The following EYS variants were observed in gnomAD, a reference collection of about 807,000 sequenced individuals.
The protein encoded by EYS is protein eyes shut homolog.
Under a neutral mutation model 282.1 loss-of-function variants are expected in EYS, and 250 were observed. That is an observed-to-expected ratio of 0.89 (90% CI 0.80 to 0.98). EYS has a LOEUF of 0.98. Among genes scored for constraint, EYS ranks in the 50% least tolerant of loss-of-function variants. The probability of loss-of-function intolerance (pLI) is 0.00; values close to 1 mark genes in which losing one functional copy is unlikely to be tolerated. For synonymous variants in EYS, 1,355 were observed against 1,282.9 expected (o/e 1.06, Z -1.20); for missense variants, 4,016 against 3,709.0 (o/e 1.08, Z -2.15).
intron 1 of EYS, among the ~76,000 whole-genome samples, chr6:65,703,949 T>C (rs1226155868): frequency 6.6e-6 from 1 of 152,094 alleles, no homozygotes; most frequent in African/African-American, 2.4e-5. Flanking sequence ...AACACAGTAT[T>C]AACATGTCTG....
intron 2 of EYS, among the ~76,000 whole-genome samples, chr6:65,555,692 T>A (rs1267643289): frequency 6.6e-6 from 1 of 152,196 alleles, no homozygotes; most frequent in Non-Finnish European, 1.5e-5. Flanking sequence ...TTAATAACTG[T>A]TTCTTACTTT....
intron 2 of EYS, among the ~76,000 whole-genome samples, chr6:65,590,105 C>T (rs1395395020): frequency 6.6e-6 from 1 of 152,036 alleles, no homozygotes; most frequent in Non-Finnish European, 1.5e-5. Context: ...TGTTTTCCCA[C>T]AATTCCACTT....
chr6:65,301,266 C>T (rs1438973924), intron 11 of EYS, among the ~76,000 whole-genome samples: 1 of 151,908 alleles, frequency 6.6e-6, no homozygotes, highest in Non-Finnish European at 1.5e-5. Context: ...GAGGCCGAGG[C>T]GGGCAGATCA....
At chr6:64,454,970 C>T (rs1038622174) in intron 26 of EYS, among the ~76,000 whole-genome samples, 5 of 152,062 alleles carry the variant, frequency 3.3e-5, no homozygotes, top group South Asian at 2.1e-4. Flanking sequence ...TAATTTGTTG[C>T]CATTTTAAAA....
In EYS at chr6:63,967,415, A is replaced by G. The variant is rs750274398; in HGVS notation, c.7055+16968T>C. 5.3e-5 allele frequency among the ~76,000 whole-genome samples: 8 copies of G among 152,306 alleles called. No homozygotes were observed. The South Asian group carries it at 8.3e-4, about 16-fold the overall frequency. The stretch of plus-strand genomic sequence containing the variant: ...GAAGTAGCCTGTGTGGTGTTAATGG[A>G]CAATAGAATATATTTTTAAAACTGT... On this transcript the variant is annotated intron_variant, in intron 35 of 42. Transcript: ENST00000503581.
chr6:64,494,650 A>G (rs991959001), intron 26 of EYS, among the ~76,000 whole-genome samples: 3 of 151,656 alleles, frequency 2.0e-5, no homozygotes, highest in Admixed American at 2.0e-4. Flanking sequence ...TGGTCTTTTC[A>G]TATTTGTAGT....
At chr6:65,061,933 A>T (rs1773586337) in intron 12 of EYS, among the ~76,000 whole-genome samples, 2 of 151,522 alleles carry the variant, frequency 1.3e-5, no homozygotes, top group East Asian at 3.9e-4. Context: ...CTTACTCTTT[A>T]TTTTTTTGTG....
chr6:65,403,781 C>A (rs1317184834), intron 6 of EYS, among the ~76,000 whole-genome samples: 1 of 151,748 alleles, frequency 6.6e-6, no homozygotes, highest in African/African-American at 2.4e-5. Context: ...AAGCATACAT[C>A]CACTAAAAGT....
chr6:65,426,979 T>C (rs1238686462), intron 5 of EYS, among the ~76,000 whole-genome samples: 8 of 152,208 alleles, frequency 5.3e-5, no homozygotes, highest in African/African-American at 9.6e-5. Flanking sequence ...TATTTTCTTT[T>C]AGGTTTAATT....
chr6:64,453,469 A>C (rs899679188), intron 26 of EYS, among the ~76,000 whole-genome samples: 2 of 152,180 alleles, frequency 1.3e-5, no homozygotes, highest in Admixed American at 6.5e-5. Flanking sequence ...GGGATCTAGA[A>C]CTGGAAATAC....
chr6:64,860,083 C>A (rs1468956408), intron 19 of EYS, among the ~76,000 whole-genome samples: 1 of 152,152 alleles, frequency 6.6e-6, no homozygotes, highest in East Asian at 1.9e-4. Context: ...TCTGTGTCTT[C>A]TGGATCCAGT....
chr6:65,030,744 G>A (rs1421495351), intron 13 of EYS, among the ~76,000 whole-genome samples: 1 of 152,174 alleles, frequency 6.6e-6, no homozygotes, highest in Non-Finnish European at 1.5e-5. Context: ...GCTTTATAGT[G>A]TCAATCAAGT....
chr6:65,144,564 T>C (rs1031110768), intron 12 of EYS, among the ~76,000 whole-genome samples: 1 of 152,138 alleles, frequency 6.6e-6, no homozygotes, highest in African/African-American at 2.4e-5. Context: ...GAAATATTTG[T>C]GCTTAAAAAC....
intron 31 of EYS, among the ~76,000 whole-genome samples, chr6:64,113,343 A>G (rs1291568442): frequency 1.3e-5 from 2 of 152,024 alleles, no homozygotes; most frequent in Admixed American, 6.5e-5. Flanking sequence ...GATCTGTTAT[A>G]TGATAGCTGT....
intron 2 of EYS, among the ~76,000 whole-genome samples, chr6:65,532,529 G>T (rs1767812034): frequency 6.6e-6 from 1 of 152,066 alleles, no homozygotes; most frequent in Admixed American, 6.6e-5. Context: ...AGTTCAAGAA[G>T]CAATGTAATA....
At chr6:63,961,813 T>G (rs1334537212) in intron 35 of EYS, among the ~76,000 whole-genome samples, 1 of 152,168 alleles carries the variant, frequency 6.6e-6, no homozygotes, top group Admixed American at 6.5e-5. Flanking sequence ...ACATATAAAT[T>G]TTGATGGTAC....
At chr6:64,852,089 C>G (rs1765903964) in intron 19 of EYS, among the ~76,000 whole-genome samples, 1 of 152,226 alleles carries the variant, frequency 6.6e-6, no homozygotes, top group Non-Finnish European at 1.5e-5. Context: ...GAATAGTGTC[C>G]TCCAAAATCT....
chr6:64,149,358 T>C (rs945471992), intron 31 of EYS, among the ~76,000 whole-genome samples: 2 of 152,160 alleles, frequency 1.3e-5, no homozygotes, highest in African/African-American at 4.8e-5. Context: ...CTCCCACATA[T>C]CCAGCTTAAT....
chr6:65,142,680 G>T (rs1230304179), intron 12 of EYS, among the ~76,000 whole-genome samples: 1 of 151,422 alleles, frequency 6.6e-6, no homozygotes. Context: ...ACTAATAAAG[G>T]ACATTAGTTA....
Sources: allele counts gnomAD v4.1 joint callset (sites outside exome capture counted in the v4.1 genomes callset), GRCh38; gene constraint gnomAD v4.1.1; transcripts MANE v1.5; gene names NCBI Gene and HGNC (gene_info 2026-07-23, HGNC 2026-07-21).